CTNNA2: variants seen among roughly 807,000 people sequenced by gnomAD.
CTNNA2 encodes the protein catenin alpha-2.
Under a neutral mutation model 101.0 loss-of-function variants are expected in CTNNA2, and 42 were observed. The observed-to-expected ratio is 0.42, with a 90% CI of 0.32 to 0.54. The LOEUF (loss-of-function observed/expected upper bound fraction) is 0.54. CTNNA2 is among the 20% of genes least tolerant of loss of function. The pLI is 0.14. For synonymous variants in CTNNA2, 450 were observed against 456.4 expected (o/e 0.99, Z 0.18); for missense variants, 871 against 1,223.1 (o/e 0.71, Z 4.29).
chr2:79,778,110 G>A (rs1674128003), intron 3 of CTNNA2, among the ~76,000 whole-genome samples: 1 of 152,032 alleles, frequency 6.6e-6, no homozygotes, highest in African/African-American at 2.4e-5. Context: ...GGGAGGCTGA[G>A]GCAGGTGGAT....
chr2:80,598,164 G>A (rs1697151226), intron 15 of CTNNA2, among the ~76,000 whole-genome samples: 1 of 152,122 alleles, frequency 6.6e-6, no homozygotes, highest in East Asian at 1.9e-4. Flanking sequence ...CAGGGACATG[G>A]ATGAAGCTGG....
At chr2:80,216,154 G>A (rs545154946) in intron 7 of CTNNA2, among the ~76,000 whole-genome samples, 36 of 152,244 alleles carry the variant, frequency 2.4e-4, no homozygotes, top group Admixed American at 1.4e-3. Context: ...TCCAGGTACC[G>A]TCTGTCACGG....
intron 6 of CTNNA2, among the ~76,000 whole-genome samples, chr2:79,900,470 T>A (rs1684998318): frequency 6.6e-6 from 1 of 152,198 alleles, no homozygotes; most frequent in Non-Finnish European, 1.5e-5. Flanking sequence ...CCTAGACACT[T>A]GGTAATGGGT....
intron 7 of CTNNA2, among the ~76,000 whole-genome samples, chr2:80,134,461 C>T (rs1702582112): frequency 6.6e-6 from 1 of 152,146 alleles, no homozygotes; most frequent in Non-Finnish European, 1.5e-5. Flanking sequence ...GCTTGTAAAC[C>T]TTCCAGGGGG....
chr2:80,333,744 A>G (rs1671546877), intron 7 of CTNNA2, among the ~76,000 whole-genome samples: 1 of 151,846 alleles, frequency 6.6e-6, no homozygotes, highest in Admixed American at 6.6e-5. Context: ...CCTGCCTCAG[A>G]CTCTGAGTGG....
intron 7 of CTNNA2, among the ~76,000 whole-genome samples, chr2:79,911,482 A>G (rs1685794297): frequency 6.6e-6 from 1 of 152,234 alleles, no homozygotes; most frequent in South Asian, 2.1e-4. Flanking sequence ...AACACGTGAC[A>G]TGTAATTTTC....
chr2:80,401,944 T>C (rs1179238808), intron 8 of CTNNA2, among the ~76,000 whole-genome samples: 1 of 152,208 alleles, frequency 6.6e-6, no homozygotes, highest in East Asian at 1.9e-4. Context: ...ACTATCTACC[T>C]GGAGATAACT....
chr2:80,551,132 A>G (rs968980868), intron 11 of CTNNA2, among the ~76,000 whole-genome samples: 1 of 152,178 alleles, frequency 6.6e-6, no homozygotes. Flanking sequence ...GACCAGGTGC[A>G]TTTTCAATGA....
At chr2:80,589,712 T>C (rs1053078890) in intron 15 of CTNNA2, among the ~76,000 whole-genome samples, 13 of 152,210 alleles carry the variant, frequency 8.5e-5, no homozygotes, top group African/African-American at 2.9e-4. Context: ...ATTGTTGTTA[T>C]AATTATCTAC....
chr2:79,487,057 A>G (rs777361232), intron 4 of CTNNA2, among the ~76,000 whole-genome samples: 1 of 152,216 alleles, frequency 6.6e-6, no homozygotes, highest in Non-Finnish European at 1.5e-5. Flanking sequence ...AATTTAAAAA[A>G]CTACTAATGC....
chr2:80,471,698 A>G (rs1447943138), intron 9 of CTNNA2, among the ~76,000 whole-genome samples: 1 of 152,230 alleles, frequency 6.6e-6, no homozygotes, highest in African/African-American at 2.4e-5. Context: ...GAATTTTTAA[A>G]TGTTGATTGC....
intron 6 of CTNNA2, among the ~76,000 whole-genome samples, chr2:79,908,689 T>C (rs1685587461): frequency 6.6e-6 from 1 of 152,238 alleles, no homozygotes; most frequent in African/African-American, 2.4e-5. Context: ...TCCTTTTTGA[T>C]TCTGGTCCTT....
intron 9 of CTNNA2, among the ~76,000 whole-genome samples, chr2:80,538,150 A>T (rs6746434): frequency 1.3e-5 from 2 of 150,398 alleles, no homozygotes; most frequent in Non-Finnish European, 2.9e-5. Context: ...AGATTGCAAA[A>T]ATTTTCTCTC....
intron 4 of CTNNA2, chr2:79,498,197 A>C (rs1475500943): frequency 1.3e-5 from 2 of 152,210 alleles, no homozygotes; most frequent in African/African-American, 4.8e-5. Context: ...AATTGGCAGT[A>C]CTTAGTTCCA....
At chr2:80,341,713 C>T (rs1559025248) in intron 7 of CTNNA2, among the ~76,000 whole-genome samples, 1 of 152,144 alleles carries the variant, frequency 6.6e-6, no homozygotes, top group Non-Finnish European at 1.5e-5. Context: ...GGTAGGTTCT[C>T]AAGTTGCTAA....
At chr2:80,257,778 G>A (rs1385692961) in intron 7 of CTNNA2, among the ~76,000 whole-genome samples, 1 of 152,204 alleles carries the variant, frequency 6.6e-6, no homozygotes, top group Non-Finnish European at 1.5e-5. Context: ...AGCAATAATT[G>A]AACAAGGAGG....
At chr2:79,896,604 C>T (rs1015161270) in intron 6 of CTNNA2, among the ~76,000 whole-genome samples, 2 of 152,122 alleles carry the variant, frequency 1.3e-5, no homozygotes, top group African/African-American at 2.4e-5. Context: ...CAGAAGATAC[C>T]GACCTATAAG....
intron 7 of CTNNA2, chr2:80,162,774 C>T (rs1184990746): frequency 1.3e-6 from 2 of 1,591,436 alleles, no homozygotes; most frequent in South Asian, 1.1e-5. Context: ...AGCAAATTTT[C>T]CACCATATGA....
At chr2:79,682,907 T>A (rs1279649703) in intron 2 of CTNNA2, among the ~76,000 whole-genome samples, 1 of 152,182 alleles carries the variant, frequency 6.6e-6, no homozygotes, top group Non-Finnish European at 1.5e-5. Context: ...CTTTTCCTAC[T>A]TGCAAAAATA....
Sources: gnomAD v4.1 joint callset for allele counts (sites outside exome capture counted in the v4.1 genomes callset) on GRCh38, gnomAD v4.1.1 for gene constraint, MANE v1.5 for transcripts, NCBI Gene and HGNC (gene_info 2026-07-23, HGNC 2026-07-21) for gene names.